The following OSBPL10 variants were observed in gnomAD, a reference collection of about 807,000 sequenced individuals.
OSBPL10 encodes oxysterol binding protein like 10.
OSBPL10 carries 49 observed loss-of-function variants against 81.7 expected under a neutral mutation model. That is an observed-to-expected ratio of 0.60 (90% CI 0.48 to 0.76). The LOEUF (loss-of-function observed/expected upper bound fraction) is 0.76, where lower values mean the gene tolerates loss of function less well. Among genes scored for constraint, OSBPL10 ranks in the 30% least tolerant of loss-of-function variants. The pLI is 0.00. For missense variants in OSBPL10, 923 were observed against 987.8 expected (o/e 0.93, Z 0.88); for synonymous variants, 419 against 383.6 (o/e 1.09, Z -1.08).
chr3:32,010,630 A>C (rs956235090), intron 2 of OSBPL10, among the ~76,000 whole-genome samples: 6 of 152,192 alleles, frequency 3.9e-5, no homozygotes, highest in Non-Finnish European at 8.8e-5. Context: ...GCATGAGCCG[A>C]AGCAGGGCGA....
chr3:31,965,295 A>G (rs994019466), intron 1 of OSBPL10, among the ~76,000 whole-genome samples: 5 of 147,680 alleles, frequency 3.4e-5, no homozygotes, highest in Non-Finnish European at 7.4e-5. Flanking sequence ...GCGTGAACCC[A>G]GGAGGCAGAG....
At chr3:31,873,710 G>A (rs1180595754) in intron 3 of OSBPL10, among the ~76,000 whole-genome samples, 7 of 152,124 alleles carry the variant, frequency 4.6e-5, no homozygotes, top group Non-Finnish European at 7.4e-5. Flanking sequence ...GAAGAAACAC[G>A]GTGAAGAGGA....
chr3:32,026,352 A>T (rs797015476), intron 2 of OSBPL10, among the ~76,000 whole-genome samples: 27 of 152,154 alleles, frequency 1.8e-4, no homozygotes, highest in African/African-American at 5.8e-4. Context: ...TGCCCAGGCT[A>T]GTTTCAAACT....
intron 1 of OSBPL10, among the ~76,000 whole-genome samples, chr3:31,932,752 T>C (rs1271996964): frequency 6.6e-6 from 1 of 152,066 alleles, no homozygotes; most frequent in Non-Finnish European, 1.5e-5. Context: ...TTAACAGCTT[T>C]CATGAAAACA....
chr3:31,999,815 G>T (rs1004856005), intron 2 of OSBPL10, among the ~76,000 whole-genome samples: 1 of 152,072 alleles, frequency 6.6e-6, no homozygotes, highest in Admixed American at 6.6e-5. Flanking sequence ...ATTCTGTTTT[G>T]TACTGAAACT....
chr3:31,661,741 T>C lies in OSBPL10; in HGVS notation c.*331A>G, dbSNP rs1321440955. 2.8e-5 allele frequency: 6 copies of C among 211,352 alleles called. No individual in the cohort carries two copies. The highest frequency in any genetic ancestry group is 5.6e-5 in the Non-Finnish European group (6 of 107,170). The allele number at this position is 211,352 out of a possible 1,614,324, so 13.1% of individuals were successfully genotyped here. A position where few individuals can be genotyped will look rare whatever the true frequency, so the allele number is the denominator to read the frequency against. Reference sequence around the variant, plus strand: ...AGTGAAAAATAGAAAAACTTCAAACTTCATTGATAAAAAGGAGCTTATGAT... The same window carrying C: ...AGTGAAAAATAGAAAAACTTCAAACCTCATTGATAAAAAGGAGCTTATGAT... On this transcript the variant is annotated 3_prime_UTR_variant, in exon 12 of 12. Coordinates refer to ENST00000396556, the MANE Select transcript of OSBPL10 (RefSeq NM_017784.5).
chr3:32,072,703 G>C (rs190649516), intron 1 of OSBPL10, among the ~76,000 whole-genome samples: 1 of 152,092 alleles, frequency 6.6e-6, no homozygotes, highest in Non-Finnish European at 1.5e-5. Context: ...CATCAAGCTC[G>C]GGGATTCACC....
chr3:31,916,589 C>T (rs968766655), intron 1 of OSBPL10, among the ~76,000 whole-genome samples: 2 of 152,162 alleles, frequency 1.3e-5, no homozygotes, highest in African/African-American at 2.4e-5. Flanking sequence ...TCATTTTCCA[C>T]AGTCCATGGC....
intron 4 of OSBPL10, among the ~76,000 whole-genome samples, chr3:31,780,842 AAAC>A (rs1453217099): frequency 6.7e-6 from 1 of 149,824 alleles, no homozygotes; most frequent in Admixed American, 6.6e-5. Context: ...CCCCCCCAAA[AAAC>A]AGTCTAGGAC....
intron 1 of OSBPL10, among the ~76,000 whole-genome samples, chr3:31,893,959 A>G (rs1695981681): frequency 6.6e-6 from 1 of 152,222 alleles, no homozygotes; most frequent in Admixed American, 6.5e-5. Context: ...AACTATATAA[A>G]TTTACTAAAA....
At chr3:31,817,142 G>T (rs559044954) in intron 4 of OSBPL10, among the ~76,000 whole-genome samples, 2 of 152,294 alleles carry the variant, frequency 1.3e-5, no homozygotes, top group South Asian at 4.1e-4. Flanking sequence ...CCATGGGCGG[G>T]CCTGGAAGAG....
In OSBPL10 at chr3:31,683,673, A is replaced by G. The variant is rs1559413918; in HGVS notation, c.1687T>C (p.Phe563Leu). 1.9e-6 allele frequency: 3 copies of G among 1,613,886 alleles called. No homozygotes were observed. Among genetic ancestry groups the G allele is most frequent in the Non-Finnish European group, 2.5e-6 (3 of 1,179,776 alleles). Residue 563 changes from phenylalanine (F) to leucine (L), a missense_variant, in exon 8 of 12, where the codon TTC (phenylalanine) becomes CTC (leucine). Coordinates refer to ENST00000396556, the MANE Select transcript of OSBPL10 (RefSeq NM_017784.5). ...GAGACCCCCACGGACATGCCCATGA[A>G]CTTGCTTTTGGTCCATACATGAGTG... ...VNTHVWTKSK[F>L]MGMSVGVSMI... is the part of the protein sequence containing the mutation.
At chr3:31,862,685 C>T (rs531283566) in intron 3 of OSBPL10, among the ~76,000 whole-genome samples, 1 of 152,200 alleles carries the variant, frequency 6.6e-6, no homozygotes, top group South Asian at 2.1e-4. Flanking sequence ...TAAAAAGAGA[C>T]TTAACATCAT....
chr3:31,873,607 C>G (rs1012087461), intron 3 of OSBPL10, among the ~76,000 whole-genome samples: 3 of 152,026 alleles, frequency 2.0e-5, no homozygotes, highest in Middle Eastern at 3.2e-3. Context: ...CACGATTTTA[C>G]GTAAGAGTTT....
intron 2 of OSBPL10, among the ~76,000 whole-genome samples, chr3:32,011,997 C>G (rs1487194662): frequency 3.3e-5 from 5 of 152,134 alleles, no homozygotes; most frequent in African/African-American, 1.2e-4. Flanking sequence ...GGGGAGAATG[C>G]AACAAAGTTG....
intron 4 of OSBPL10, among the ~76,000 whole-genome samples, chr3:31,807,922 A>G (rs191191980): frequency 3.3e-5 from 5 of 152,324 alleles, no homozygotes; most frequent in Non-Finnish European, 1.5e-5. Flanking sequence ...TGTTTTAAGA[A>G]TTGGACAGAT....
intron 8 of OSBPL10, among the ~76,000 whole-genome samples, chr3:31,678,782 CTGTGTGTGTGTG>C (rs67616509): frequency 0.099 from 13,438 of 135,594 alleles, 735 homozygotes; most frequent in African/African-American, 0.15. Flanking sequence ...CAGATTCAAA[CTGTGTGTGTGTG>C]TGTGTGTGTG....
chr3:31,784,848 G>GCCGGGA (rs1698821180), intron 4 of OSBPL10, among the ~76,000 whole-genome samples: 2 of 111,422 alleles, frequency 1.8e-5, no homozygotes, highest in East Asian at 3.0e-4. Flanking sequence ...CTCCCAAAGT[G>GCCGGGA]TTAATCTGTA....
chr3:31,911,570 C>T (rs930900274), intron 1 of OSBPL10, among the ~76,000 whole-genome samples: 3 of 151,648 alleles, frequency 2.0e-5, no homozygotes, highest in African/African-American at 7.3e-5. Context: ...TTGTCTTGGG[C>T]CACACATAAA....
Sources: gnomAD v4.1 joint callset for allele counts (sites outside exome capture counted in the v4.1 genomes callset) on GRCh38, gnomAD v4.1.1 for gene constraint, MANE v1.5 for transcripts, NCBI Gene and HGNC (gene_info 2026-07-23, HGNC 2026-07-21) for gene names.